The following NUDC variants were observed in gnomAD, a reference collection of about 807,000 sequenced individuals.
The protein encoded by NUDC is nuclear migration protein nudC.
In NUDC, 14 loss-of-function variants were observed where a neutral mutation model predicts 45.0. That is an observed-to-expected ratio of 0.31 (90% confidence interval 0.21 to 0.49). The LOEUF is 0.49. Ranked by LOEUF, NUDC falls within the 20% of genes least tolerant of loss-of-function variation. The pLI is 0.99. For missense variants in NUDC, 323 were observed against 426.2 expected (o/e 0.76, Z 2.13); for synonymous variants, 153 against 156.7 (o/e 0.98, Z 0.17).
At chr1:26,913,911 T>C (rs2082046388) in intron 3 of NUDC, 1 of 1,481,770 alleles carries the variant, frequency 6.7e-7, no homozygotes, top group East Asian at 2.3e-5. Flanking sequence ...CTCCCTGGCA[T>C]GGGCAGGCCC....
chr1:26,907,571 C>T (rs2082007797), intron 2 of NUDC, among the ~76,000 whole-genome samples: 1 of 150,992 alleles, frequency 6.6e-6, no homozygotes, highest in African/African-American at 2.5e-5. Flanking sequence ...GCCCCAAGGA[C>T]AGGGTGGAGT....
At chr1:26,914,048 A>G in intron 3 of NUDC, 1 of 890,198 alleles carries the variant, frequency 1.1e-6, no homozygotes, top group Non-Finnish European at 1.5e-6. Context: ...AACAACCTTG[A>G]CTCCAGAAGT....
chr1:26,903,121 A>G (rs1484265799), intron 2 of NUDC, among the ~76,000 whole-genome samples: 2 of 152,118 alleles, frequency 1.3e-5, no homozygotes, highest in African/African-American at 2.4e-5. Flanking sequence ...CACAGTATAT[A>G]TAAATATTCA....
rs953520228 is a variant in NUDC, at chr1:26,905,274, C to T, written c.-16+2908C>T. Among the ~76,000 whole-genome samples the T allele has an allele frequency of 4.6e-5, 7 of 150,758 alleles. No individual in the cohort carries two copies. The South Asian group carries it at 6.3e-4, about 14-fold the overall frequency. ...CTCCTGGGTTCAGGCGATTCTCCTG[C>T]CTCAGCTTCCCAAGTAGCTGGGATT... On this transcript the variant is annotated intron_variant, in intron 2 of 6. Transcript: ENST00000435827.
At chr1:26,907,049 T>C (rs1211575128) in intron 2 of NUDC, among the ~76,000 whole-genome samples, 3 of 152,098 alleles carry the variant, frequency 2.0e-5, no homozygotes, top group African/African-American at 7.2e-5. Flanking sequence ...GGATTTCCTT[T>C]CTTTGCTGTC....
At chr1:26,919,084 T>C (rs2124084574), upstream of NUDC, among the ~76,000 whole-genome samples, 1 of 151,938 alleles carries the variant, frequency 6.6e-6, no homozygotes, top group South Asian at 2.1e-4. Flanking sequence ...AGCTACTTTT[T>C]TTTTTTTTCC....
intron 4 of NUDC, 48 bp from the exon 5 acceptor site, chr1:26,942,610 CTG>C: frequency 6.2e-7 from 1 of 1,612,604 alleles, no homozygotes; most frequent in South Asian, 1.1e-5. Flanking sequence ...AGGGTTCAAT[CTG>C]TGTCTTGTCT....
intron 3 of NUDC, among the ~76,000 whole-genome samples, chr1:26,913,010 C>CGGT (rs1284486414): frequency 7.2e-5 from 11 of 152,178 alleles, no homozygotes; most frequent in Non-Finnish European, 1.3e-4. Flanking sequence ...TGGCCAAGCA[C>CGGT]GGTGGCTCAC....
At chr1:26,933,169 C>A (rs975042870) in intron 2 of NUDC, among the ~76,000 whole-genome samples, 1 of 151,454 alleles carries the variant, frequency 6.6e-6, no homozygotes, top group African/African-American at 2.4e-5. Flanking sequence ...CTCCTGACTT[C>A]GTGATCTGCC....
chr1:26,900,497 A>G, intron 1 of NUDC: 1 of 1,457,714 alleles, frequency 6.9e-7, no homozygotes, highest in Non-Finnish European at 9.5e-7. Context: ...ACCGCGAGCA[A>G]CGTTCCAGCC....
chr1:26,915,842 T>C (rs1189181150), intron 3 of NUDC, among the ~76,000 whole-genome samples: 1 of 152,168 alleles, frequency 6.6e-6, no homozygotes, highest in African/African-American at 2.4e-5. Context: ...TTAGTCTTAA[T>C]CCTTAAATTT....
chr1:26,905,137 C>CTAT (rs1298871467), intron 2 of NUDC, among the ~76,000 whole-genome samples: 122 of 123,722 alleles, frequency 9.9e-4, no homozygotes, highest in Middle Eastern at 5.0e-3. Flanking sequence ...TGAGCCTGGC[C>CTAT]TATTATTATT....
intron 2 of NUDC, among the ~76,000 whole-genome samples, chr1:26,935,984 T>G (rs2082226380): frequency 6.7e-6 from 1 of 148,382 alleles, no homozygotes. Flanking sequence ...ATGTTTTGTT[T>G]TTTTTTGACT....
chr1:26,914,912 A>G (rs2082053094), intron 3 of NUDC, among the ~76,000 whole-genome samples: 1 of 151,912 alleles, frequency 6.6e-6, no homozygotes, highest in Non-Finnish European at 1.5e-5. Flanking sequence ...GGTTACAGTG[A>G]GCTGAGATCA....
intron 2 of NUDC, among the ~76,000 whole-genome samples, chr1:26,937,402 C>T (rs1570740148): frequency 6.6e-6 from 1 of 152,154 alleles, no homozygotes; most frequent in Non-Finnish European, 1.5e-5. Flanking sequence ...ATCTTAGCCT[C>T]CCGAGTAGCT....
intron 2 of NUDC, among the ~76,000 whole-genome samples, chr1:26,938,337 A>C (rs778070871): frequency 2.6e-5 from 4 of 152,152 alleles, no homozygotes; most frequent in Non-Finnish European, 5.9e-5. Flanking sequence ...ATGGGATGTG[A>C]CATGATTCAG....
intron 2 of NUDC, among the ~76,000 whole-genome samples, chr1:26,934,944 A>G (rs1394993577): frequency 2.0e-5 from 3 of 151,020 alleles, no homozygotes; most frequent in African/African-American, 7.3e-5. Flanking sequence ...GGCGTGAACC[A>G]CCGCGCCCGG....
In NUDC at chr1:26,901,201, C is replaced by G. The variant is rs550468221; in HGVS notation, c.-101+801C>G. ...TTTATTTTTGAGTTGGGGTCTCGCTCTGTCGCCCAGGCTGGAGTGCTGGGA... is the reference window on the plus strand; with the variant it reads ...TTTATTTTTGAGTTGGGGTCTCGCTGTGTCGCCCAGGCTGGAGTGCTGGGA... On this transcript the variant is annotated intron_variant, in intron 1 of 6. Transcript: ENST00000435827. 4.6e-5 allele frequency among the ~76,000 whole-genome samples: 7 copies of G among 152,190 alleles called. No individual in the cohort carries two copies. In the East Asian group the frequency reaches 1.3e-3, roughly 29 times the overall value.
chr1:26,904,998 G>C (rs893595650), intron 2 of NUDC, among the ~76,000 whole-genome samples: 1 of 150,298 alleles, frequency 6.7e-6, no homozygotes, highest in Non-Finnish European at 1.5e-5. Flanking sequence ...CACCACGCCC[G>C]GCTAATTTTT....
Sources: gnomAD v4.1 joint callset for allele counts (sites outside exome capture counted in the v4.1 genomes callset) on GRCh38, gnomAD v4.1.1 for gene constraint, MANE v1.5 for transcripts, NCBI Gene and HGNC (gene_info 2026-07-23, HGNC 2026-07-21) for gene names.